SYT1: variants seen among roughly 807,000 people sequenced by gnomAD.
The protein encoded by SYT1 is synaptotagmin-1.
SYT1 carries 8 observed loss-of-function variants against 44.8 expected under a neutral mutation model. The ratio of observed to expected loss-of-function variants is 0.18; its 90% confidence interval spans 0.10 to 0.32. The LOEUF is 0.32. Ranked by LOEUF, SYT1 falls within the 10% of genes least tolerant of loss-of-function variation. The pLI is 1.00. For synonymous variants in SYT1, 154 were observed against 188.8 expected (o/e 0.82, Z 1.51); for missense variants, 286 against 509.3 (o/e 0.56, Z 4.22).
chr12:78,876,550 A>AGT (rs1874086622), intron 1 of SYT1, among the ~76,000 whole-genome samples: 1 of 133,322 alleles, frequency 7.5e-6, no homozygotes, highest in Non-Finnish European at 1.6e-5. Context: ...TATATATATG[A>AGT]GTGTGTGTAT....
intron 9 of SYT1, among the ~76,000 whole-genome samples, chr12:79,407,589 C>T (rs929428564): frequency 7.2e-5 from 11 of 152,058 alleles, no homozygotes; most frequent in Non-Finnish European, 1.6e-4. Context: ...ATACTAAGCT[C>T]TGAGAAGATA....
intron 3 of SYT1, among the ~76,000 whole-genome samples, chr12:79,135,010 A>ACAC: frequency 7.1e-6 from 1 of 141,108 alleles, no homozygotes. Flanking sequence ...CACACACACA[A>ACAC]ATGGTAACAA....
intron 4 of SYT1, among the ~76,000 whole-genome samples, chr12:79,284,645 G>C (rs1310383299): frequency 6.6e-6 from 1 of 151,872 alleles, no homozygotes; most frequent in Non-Finnish European, 1.5e-5. Flanking sequence ...AGACCATCCT[G>C]GCCAACATGG....
At chr12:79,054,314 CA>C (rs1175183959) in intron 3 of SYT1, among the ~76,000 whole-genome samples, 3 of 151,894 alleles carry the variant, frequency 2.0e-5, no homozygotes, top group Non-Finnish European at 4.4e-5. Context: ...TACTTATCAT[CA>C]ATAAATATTA....
chr12:79,168,783 G>A (rs1167787805), intron 3 of SYT1, among the ~76,000 whole-genome samples: 4 of 151,858 alleles, frequency 2.6e-5, no homozygotes, highest in African/African-American at 9.7e-5. Context: ...TGAGATGAGA[G>A]GGTAATTATC....
At chr12:79,019,367 C>A (rs1872032595) in intron 2 of SYT1, among the ~76,000 whole-genome samples, 1 of 151,948 alleles carries the variant, frequency 6.6e-6, no homozygotes, top group Non-Finnish European at 1.5e-5. Flanking sequence ...CATGAGATAA[C>A]TAGTTTGAAT....
chr12:79,437,573 C>T (rs1870163346), intron 9 of SYT1, among the ~76,000 whole-genome samples: 1 of 152,202 alleles, frequency 6.6e-6, no homozygotes, highest in African/African-American at 2.4e-5. Context: ...ATTTACATTT[C>T]TGCAAAGCTT....
rs59295670 is a variant in SYT1, at chr12:79,423,568, G to T, written c.929-20505G>T. 2.6e-3 allele frequency among the ~76,000 whole-genome samples: 390 copies of T among 152,140 alleles called. 1 individual carries two copies. Among genetic ancestry groups the T allele is most frequent in the African/African-American group, 8.3e-3 (346 of 41,524 alleles). Reference sequence around the variant, plus strand: ...CATAAAGCTGAGGTGGTTTGGTTGGGTTCCTTGCCAGCTTAGCCTCTTACT... The same window carrying T: ...CATAAAGCTGAGGTGGTTTGGTTGGTTTCCTTGCCAGCTTAGCCTCTTACT... On this transcript the variant is annotated intron_variant, in intron 9 of 10. Coordinates refer to ENST00000261205, the MANE Select transcript of SYT1 (RefSeq NM_005639.3).
At chr12:79,210,455 A>G (rs903507174) in intron 3 of SYT1, among the ~76,000 whole-genome samples, 4 of 152,110 alleles carry the variant, frequency 2.6e-5, no homozygotes, top group East Asian at 1.9e-4. Flanking sequence ...ATGCCTTTAC[A>G]TCCTCATAGC....
chr12:79,308,606 G>GA (rs752574925), intron 8 of SYT1, among the ~76,000 whole-genome samples: 3 of 81,228 alleles, frequency 3.7e-5, no homozygotes, highest in Admixed American at 1.3e-4. Context: ...AAGAAAGAAA[G>GA]AAAGAAAAAG....
chr12:79,135,324 A>G (rs921588920), intron 3 of SYT1, among the ~76,000 whole-genome samples: 18 of 147,022 alleles, frequency 1.2e-4, no homozygotes, highest in Non-Finnish European at 2.1e-4. Flanking sequence ...TCATTGTTCA[A>G]TTCCCACCTA....
At chr12:79,034,224 T>A (rs964821055) in intron 2 of SYT1, among the ~76,000 whole-genome samples, 2 of 151,546 alleles carry the variant, frequency 1.3e-5, no homozygotes, top group African/African-American at 2.4e-5. Context: ...AGGCTTTTGT[T>A]CCTCTAAGAT....
chr12:79,373,860 T>C (rs1420085859), intron 9 of SYT1, among the ~76,000 whole-genome samples: 2 of 152,184 alleles, frequency 1.3e-5, no homozygotes, highest in Admixed American at 1.3e-4. Context: ...TGGGTCATAT[T>C]CTCATTTCTC....
intron 8 of SYT1, among the ~76,000 whole-genome samples, chr12:79,319,988 G>C (rs922349884): frequency 1.3e-5 from 2 of 152,124 alleles, no homozygotes; most frequent in Non-Finnish European, 2.9e-5. Flanking sequence ...TATTTAATTA[G>C]GGGTACTTGA....
intron 3 of SYT1, among the ~76,000 whole-genome samples, chr12:79,134,348 A>T (rs1383003545): frequency 6.6e-6 from 1 of 152,236 alleles, no homozygotes; most frequent in Non-Finnish European, 1.5e-5. Context: ...GATGTATAGC[A>T]TCATCAAAAT....
intron 1 of SYT1, among the ~76,000 whole-genome samples, chr12:78,865,564 TG>T (rs56184328): frequency 0.29 from 42,412 of 145,306 alleles, 6,243 homozygotes; most frequent in South Asian, 0.42. Context: ...GAGAGGGATA[TG>T]GGGGGGGGGG....
intron 3 of SYT1, among the ~76,000 whole-genome samples, chr12:79,047,961 T>C (rs1230877824): frequency 6.6e-6 from 1 of 151,906 alleles, no homozygotes; most frequent in Non-Finnish European, 1.5e-5. Flanking sequence ...AAGTACATGT[T>C]GATGTCAATC....
At chr12:78,902,022 A>C (rs1348962316) in intron 1 of SYT1, among the ~76,000 whole-genome samples, 4 of 151,394 alleles carry the variant, frequency 2.6e-5, no homozygotes, top group African/African-American at 9.7e-5. Flanking sequence ...AACATCACAC[A>C]CTGGAGCCTG....
chr12:79,292,618 G>A (rs778889848), intron 6 of SYT1, among the ~76,000 whole-genome samples: 4 of 152,140 alleles, frequency 2.6e-5, no homozygotes, highest in Non-Finnish European at 5.9e-5. Context: ...TTTAAAAGCA[G>A]GATGGCCTTA....
Sources: gnomAD v4.1 joint callset for allele counts (sites outside exome capture counted in the v4.1 genomes callset) on GRCh38, gnomAD v4.1.1 for gene constraint, MANE v1.5 for transcripts, NCBI Gene and HGNC (gene_info 2026-07-23, HGNC 2026-07-21) for gene names.